The following YIPF2 variants were observed in gnomAD, a reference collection of about 807,000 sequenced individuals.
YIPF2 encodes the protein Yip1 domain family member 2.
Under a neutral mutation model 38.8 loss-of-function variants are expected in YIPF2, and 30 were observed. That is an observed-to-expected ratio of 0.77 (90% confidence interval 0.58 to 1.05). The LOEUF (loss-of-function observed/expected upper bound fraction) is 1.05. YIPF2 is among the 50% of genes least tolerant of loss of function. The pLI is 0.00. For synonymous variants in YIPF2, 194 were observed against 183.8 expected (o/e 1.06, Z -0.45); for missense variants, 401 against 409.7 (o/e 0.98, Z 0.18).
Position 10,924,092 on chromosome 19 carries a change from G to T in YIPF2, c.468C>A (p.Ser156Arg), listed in dbSNP as rs147411901. The change falls in exon 6 of 10, where the codon AGC becomes AGA. Residue 156 changes from serine (S) to arginine (R), a missense_variant. By Grantham distance (110) the Ser-to-Arg change is moderately radical. Transcript: ENST00000586748. ...AQRRDPSIHY[S>R]PQFHKVTVAG... ...TCTGCTTACCCTTGTGGAACTGGGG[G>T]CTGTAGTGGATGGAGGGGTCCCTCC... is the stretch of plus-strand genomic sequence containing the variant. 5 of 1,613,792 alleles carry T rather than the reference G, an allele frequency of 3.1e-6. No individual in the cohort carries two copies. The African/African-American group carries it at 6.7e-5, about 22-fold the overall frequency.
In YIPF2 at chr19:10,925,980, G is replaced by A. The variant is rs559950489; in HGVS notation, c.280-207C>T. ...CTGGATGGAGTAGTGGCATGATCTCGGCTCACTGCAACCTCTGCCTCCCGA... is the reference window on the plus strand; with the variant it reads ...CTGGATGGAGTAGTGGCATGATCTCAGCTCACTGCAACCTCTGCCTCCCGA... On this transcript the variant is annotated intron_variant, in intron 4 of 9. Transcript: ENST00000586748. Among the ~76,000 whole-genome samples the A allele has an allele frequency of 2.0e-5, 3 of 147,252 alleles. No individual in the cohort carries two copies. In the East Asian group the frequency reaches 6.0e-4, roughly 29 times the overall value.
Position 10,923,333 on chromosome 19 carries a change from G to A in YIPF2, c.909C>T (p.Ile303=), listed in dbSNP as rs151256467. The A allele has an allele frequency of 2.6e-5, 42 of 1,613,164 alleles. No individual in the cohort carries two copies. Among genetic ancestry groups the A allele is most frequent in the African/African-American group, 1.9e-4 (14 of 75,012 alleles). The change falls in exon 9 of 10, where the codon ATC becomes ATT. Residue 303 remains isoleucine, a synonymous_variant. Coordinates refer to ENST00000586748, the MANE Select transcript of YIPF2 (RefSeq NM_001321439.2). ...ACTGCGGCAAGGTAGGGGACAGCGC[G>A]ATGTTTGAGGGCAGAGATGTGATTT... ...PPQITSLPSN[I]ALSPTLPQSL... is the part of the protein sequence containing the mutation.
Position 10,923,192 on chromosome 19 carries a change from CTG to C in YIPF2, c.*20-20_*20-19del. 1 of 1,251,514 alleles carries C rather than the reference CTG, an allele frequency of 8.0e-7. No individual in the cohort carries two copies. The highest frequency in any genetic ancestry group is 1.1e-6 in the Non-Finnish European group (1 of 902,582). The allele number at this position is 1,251,514 out of a possible 1,614,324, so 77.5% of individuals were successfully genotyped here. On this transcript the variant is annotated intron_variant, in intron 9 of 9. Transcript: ENST00000586748. ...GGTGTTGCCTGAAAGAAAGAATTGT[CTG>C]GGAGTGGCCCCAGAACCTCTCGCCT...
Position 10,923,663 on chromosome 19 carries a change from G to A in YIPF2, c.666C>T (p.Ile222=). 6.2e-7 allele frequency: 1 copy of A among 1,609,814 alleles called. No individual in the cohort carries two copies. Among genetic ancestry groups the A allele is most frequent in the Non-Finnish European group, 8.5e-7 (1 of 1,177,226 alleles). The change falls in exon 8 of 10, where the codon ATC becomes ATT. Residue 222 remains isoleucine (I), a synonymous_variant. Coordinates refer to ENST00000586748, the MANE Select transcript of YIPF2 (RefSeq NM_001321439.2). ...AGAGCCACTGCAGCCAAGGCACAGG[G>A]ATGAGCCACAGGACCTGGGAGCAAC... is the stretch of plus-strand genomic sequence containing the variant. ...VFIPMVVLWL[I]PVPWLQWLFG... is the part of the protein sequence containing the mutation.
At chr19:10,927,080 C>G (rs2083437073) in intron 4 of YIPF2, among the ~76,000 whole-genome samples, 1 of 152,142 alleles carries the variant, frequency 6.6e-6, no homozygotes, top group Non-Finnish European at 1.5e-5. Context: ...CCATGTTTGG[C>G]CAGGCTGGTC....
In YIPF2 at chr19:10,924,321, G is replaced by C. The variant is rs576605989; in HGVS notation, c.368-129C>G. The C allele has an allele frequency of 2.5e-4, 197 of 783,708 alleles. No homozygotes were observed. The African/African-American group carries it at 3.2e-3, about 13-fold the overall frequency. The allele number at this position is 783,708 out of a possible 1,614,324, so 48.5% of individuals were successfully genotyped here. A position where few individuals can be genotyped will look rare whatever the true frequency, so the allele number is the denominator to read the frequency against. On this transcript the variant is annotated intron_variant, in intron 5 of 9. Coordinates refer to ENST00000586748, the MANE Select transcript of YIPF2 (RefSeq NM_001321439.2). ...ACCTTGCCTGACTCACCAGGACACCGGGGGCCTCCTGGTGGCTGAGCCCAG... is the reference window on the plus strand; with the variant it reads ...ACCTTGCCTGACTCACCAGGACACCCGGGGCCTCCTGGTGGCTGAGCCCAG...
rs917594741 is a variant in YIPF2, at chr19:10,927,839, C to T, written c.152G>A (p.Gly51Glu). Residue 51 changes from glycine (G) to glutamate (E), a missense_variant, in exon 3 of 10, where the codon GGA becomes GAA. Coordinates refer to ENST00000586748, the MANE Select transcript of YIPF2 (RefSeq NM_001321439.2). Reference sequence around the variant, plus strand: ...CTCCTCCTCCACCTCATCCTCGGCTCCATAGCTGCCACCTGAGCCCACGGC... The same window carrying T: ...CTCCTCCTCCACCTCATCCTCGGCTTCATAGCTGCCACCTGAGCCCACGGC... Reference protein sequence around the residue: ...AVAVGSGGSYGAEDEVEEESD... With the variant: ...AVAVGSGGSYEAEDEVEEESD... The T allele has an allele frequency of 2.5e-6, 4 of 1,610,506 alleles. No homozygotes were observed. The highest frequency in any genetic ancestry group is 3.4e-6 in the Non-Finnish European group (4 of 1,177,694).
At chr19:10,923,735 G>A in intron 7 of YIPF2, 58 bp from the exon 8 acceptor site, 3 of 1,578,206 alleles carry the variant, frequency 1.9e-6, no homozygotes, top group South Asian at 1.2e-5. Context: ...CACCCACTCT[G>A]CACCAGGCCA....
rs1306873742 is a variant in YIPF2 at position 10,923,871 on chromosome 19, T to C, written c.613A>G (p.Ile205Val). The C allele has an allele frequency of 6.2e-7, 1 of 1,613,424 alleles. No homozygotes were observed. The highest frequency in any genetic ancestry group is 1.3e-5 in the African/African-American group (1 of 75,008). Residue 205 changes from isoleucine to valine, a missense_variant, in exon 7 of 10, where the codon ATC (isoleucine) becomes GTC (valine). Physicochemically the swap from Ile to Val is conservative, Grantham distance 29 (BLOSUM62 3). Transcript: ENST00000586748. The stretch of plus-strand genomic sequence containing the variant: ...AAGACAAAGAGGGAGTAGCCGTAGA[T>C]GCACACAGTCTCCAGGAAGGTGTAG... Reference protein sequence around the residue: ...GPYTFLETVCIYGYSLFVFIP... With the variant: ...GPYTFLETVCVYGYSLFVFIP...
rs2145284415 is a variant in YIPF2 at position 10,928,399 on chromosome 19, G to C, written c.12C>G (p.Ala4=). Residue 4 remains alanine (A), a synonymous_variant, in exon 2 of 10, where the codon GCC becomes GCG. Coordinates refer to ENST00000586748, the MANE Select transcript of YIPF2 (RefSeq NM_001321439.2). MAS[A]DELTFHEFEE... ...ACTCACCATGGAAGGTCAGCTCGTC[G>C]GCCGATGCCATGGTCGTTCAGGGGC... is the stretch of plus-strand genomic sequence containing the variant. 7.5e-7 allele frequency: 1 copy of C among 1,332,594 alleles called. No individual in the cohort carries two copies. Among genetic ancestry groups the C allele is most frequent in the East Asian group, 3.0e-5 (1 of 32,870 alleles). 82.5% of individuals were successfully genotyped at this position (1,332,594 alleles called of 1,614,324 possible).
At position 10,927,677 on chromosome 19, in the gene YIPF2, A is replaced by G. The variant is rs1350738106; in HGVS notation, c.232T>C (p.Trp78Arg). ...AAGCTCTGATAGTAGCTGAAGGTCC[A>G]GAATCCCGGCTGCTGCTGCTGCTGC... ...EQQQQQQPGF[W>R]TFSYYQSFFD... Residue 78 changes from tryptophan (W) to arginine (R), a missense_variant, in exon 4 of 10, where the codon TGG (tryptophan) becomes CGG (arginine). By Grantham distance (101) the Trp-to-Arg change is moderately radical (BLOSUM62 -3). Transcript: ENST00000586748. 2 of 1,613,904 alleles carry G rather than the reference A, an allele frequency of 1.2e-6. No individual in the cohort carries two copies. Among genetic ancestry groups the G allele is most frequent in the South Asian group, 2.2e-5 (2 of 91,086 alleles).
chr19:10,926,302 C>T (rs1338029431), intron 4 of YIPF2, among the ~76,000 whole-genome samples: 2 of 151,918 alleles, frequency 1.3e-5, no homozygotes, highest in Non-Finnish European at 2.9e-5. Flanking sequence ...TCTCGGCTCA[C>T]TGCAAGCTCC....
At chr19:10,925,636 C>T (rs774264407) in intron 5 of YIPF2, 50 bp downstream of exon 5, 1 of 1,608,154 alleles carries the variant, frequency 6.2e-7, no homozygotes, top group Non-Finnish European at 8.5e-7. Context: ...CAACTCAGGC[C>T]ACACTTGTTG....
Position 10,928,377 on chromosome 19 carries a change from C to CT in YIPF2, c.31+2_31+3insA. 1 of 1,337,124 alleles carries CT rather than the reference C, an allele frequency of 7.5e-7. No homozygotes were observed. The highest frequency in any genetic ancestry group is 9.6e-7 in the Non-Finnish European group (1 of 1,039,296). 82.8% of individuals were successfully genotyped at this position (1,337,124 alleles called of 1,614,324 possible). A position where few individuals can be genotyped will look rare whatever the true frequency, so the allele number is the denominator to read the frequency against. Reference sequence around the variant, plus strand: ...GATCCGGCCACGTCGGGGCCGCACTCACCATGGAAGGTCAGCTCGTCGGCC... The same window carrying CT: ...GATCCGGCCACGTCGGGGCCGCACTCTACCATGGAAGGTCAGCTCGTCGGCC... On this transcript the variant is annotated splice_region_variant and intron_variant, in intron 2 of 9. Coordinates refer to ENST00000586748, the MANE Select transcript of YIPF2 (RefSeq NM_001321439.2).
intron 4 of YIPF2, 132 bp from the exon 5 acceptor site, chr19:10,925,905 C>A: frequency 3.5e-5 from 15 of 434,282 alleles, no homozygotes; most frequent in Non-Finnish European, 5.3e-5. Flanking sequence ...CTTTCCCTCT[C>A]TTTTTTTTTT....
Position 10,923,684 on chromosome 19 carries a change from G to A in YIPF2, c.652-7C>T, listed in dbSNP as rs745489400. The A allele has an allele frequency of 7.5e-6, 12 of 1,600,716 alleles. No individual in the cohort carries two copies. The highest frequency in any genetic ancestry group is 1.0e-5 in the Non-Finnish European group (12 of 1,171,058). On this transcript the variant is annotated splice_polypyrimidine_tract_variant and splice_region_variant and intron_variant, in intron 7 of 9. Transcript: ENST00000586748. ...CAGGGATGAGCCACAGGACCTGGGAGCAACACGGCGGCAGGTGACCATGCC... is the reference window on the plus strand; with the variant it reads ...CAGGGATGAGCCACAGGACCTGGGAACAACACGGCGGCAGGTGACCATGCC...
rs2074306385 is a variant in YIPF2, at chr19:10,923,592, G to A, written c.737C>T (p.Thr246Ile). ...GTCCTCACGGACCACGGGCCAGAGG[G>A]TGAATACCAGCCCGGCGGCTGACAG... ...LGLSAAGLVF[T>I]LWPVVREDTR... The change falls in exon 8 of 10, where the codon ACC (threonine) becomes ATC (isoleucine). Residue 246 changes from threonine to isoleucine, a missense_variant. Physicochemically the swap from Thr to Ile is moderately conservative, Grantham distance 89. Coordinates refer to ENST00000586748, the MANE Select transcript of YIPF2 (RefSeq NM_001321439.2). The A allele has an allele frequency of 6.2e-7, 1 of 1,612,994 alleles. No homozygotes were observed. The highest frequency in any genetic ancestry group is 8.5e-7 in the Non-Finnish European group (1 of 1,179,742).
At position 10,924,001 on chromosome 19, in the gene YIPF2, TG is replaced by T; in HGVS notation, c.485-3del. On this transcript the variant is annotated splice_polypyrimidine_tract_variant and splice_region_variant and intron_variant, in intron 6 of 9. Coordinates refer to ENST00000586748, the MANE Select transcript of YIPF2 (RefSeq NM_001321439.2). ...AGATGCTGATGCCTGCCACGGTCACTGGGGGGGGCAAGGTGAGCAGTCACCC... is the reference window on the plus strand; with the variant it reads ...AGATGCTGATGCCTGCCACGGTCACTGGGGGGGCAAGGTGAGCAGTCACCC... 8 of 1,603,822 alleles carry T rather than the reference TG, an allele frequency of 5.0e-6. No homozygotes were observed. Among genetic ancestry groups the T allele is most frequent in the East Asian group, 2.2e-5 (1 of 44,550 alleles).
At chr19:10,926,595 T>G (rs1007115044) in intron 4 of YIPF2, among the ~76,000 whole-genome samples, 1 of 151,968 alleles carries the variant, frequency 6.6e-6, no homozygotes, top group Non-Finnish European at 1.5e-5. Context: ...GGCACGATCT[T>G]GGCTCACTAC....
Sources: allele counts gnomAD v4.1 joint callset (sites outside exome capture counted in the v4.1 genomes callset), GRCh38; gene constraint gnomAD v4.1.1; transcripts MANE v1.5; gene names NCBI Gene and HGNC (gene_info 2026-07-23, HGNC 2026-07-21).